CLDN14: variants seen among roughly 807,000 people sequenced by gnomAD.
The protein encoded by CLDN14 is claudin 14.
CLDN14 carries 2 observed loss-of-function variants against 2.1 expected under a neutral mutation model. That is an observed-to-expected ratio of 0.96 (90% confidence interval 0.39 to 3.01). The LOEUF (loss-of-function observed/expected upper bound fraction) is 3.01. Ranked by LOEUF, CLDN14 falls within the 30% of genes most tolerant of loss-of-function variation. The pLI is 0.09. For missense variants in CLDN14, 298 were observed against 328.0 expected (o/e 0.91, Z 0.71); for synonymous variants, 136 against 154.4 (o/e 0.88, Z 0.88).
chr21:36,505,375 C>T (rs971984515), intron 2 of CLDN14, among the ~76,000 whole-genome samples: 2 of 152,160 alleles, frequency 1.3e-5, no homozygotes, highest in African/African-American at 4.8e-5. Context: ...AGACAGCCCA[C>T]CCCAAGCTGC....
intron 1 of CLDN14, among the ~76,000 whole-genome samples, chr21:36,464,370 C>G (rs1019139978): frequency 6.6e-6 from 1 of 152,230 alleles, no homozygotes; most frequent in Admixed American, 6.5e-5. Context: ...CGGACTGATA[C>G]ACCGAGTATT....
At chr21:36,509,063 A>T (rs1329614038) in intron 2 of CLDN14, among the ~76,000 whole-genome samples, 1 of 152,196 alleles carries the variant, frequency 6.6e-6, no homozygotes, top group Non-Finnish European at 1.5e-5. Context: ...CTAGGTAAAT[A>T]TTGAAAGAAT....
chr21:36,494,780 C>T (rs2087000451), intron 2 of CLDN14, among the ~76,000 whole-genome samples: 1 of 152,202 alleles, frequency 6.6e-6, no homozygotes, highest in South Asian at 2.1e-4. Flanking sequence ...TGATCTCGGA[C>T]TTCCAGCCTC....
rs139330688 is a variant in CLDN14, at chr21:36,462,272, G to A, written c.-81-496C>T. ...GGGCAGGGAGAGGTTTAGTCCCCTC[G>A]GCAAGTCAGATGCTGCCTTCAGAAT... On this transcript the variant is annotated intron_variant, in intron 1 of 1. Transcript: ENST00000399135. Among the ~76,000 whole-genome samples the A allele has an allele frequency of 3.9e-5, 6 of 152,288 alleles. No homozygotes were observed. In the East Asian group the frequency reaches 1.2e-3, roughly 29 times the overall value.
intron 1 of CLDN14, among the ~76,000 whole-genome samples, chr21:36,532,789 G>A (rs2087391610): frequency 1.3e-5 from 2 of 152,036 alleles, no homozygotes; most frequent in African/African-American, 2.4e-5. Flanking sequence ...TTTAAGTTAC[G>A]ATCAGAAATA....
intron 1 of CLDN14, among the ~76,000 whole-genome samples, chr21:36,541,210 C>T (rs1326168859): frequency 1.3e-5 from 2 of 152,028 alleles, no homozygotes; most frequent in Admixed American, 6.5e-5. Context: ...TACCTCCTAC[C>T]TTTCCGTCAG....
intron 2 of CLDN14, chr21:36,486,220 C>A (rs1255063251): frequency 1.1e-6 from 1 of 911,780 alleles, no homozygotes; most frequent in East Asian, 2.4e-5. Flanking sequence ...CCTGGCCAAA[C>A]TCTGCTCCTG....
chr21:36,552,846 C>T (rs2087572361), intron 1 of CLDN14, among the ~76,000 whole-genome samples: 2 of 152,326 alleles, frequency 1.3e-5, no homozygotes, highest in Middle Eastern at 6.8e-3. Context: ...GCTTTGATCA[C>T]CACCCCTTTT....
At chr21:36,506,845 G>A (rs1302198380) in intron 2 of CLDN14, among the ~76,000 whole-genome samples, 1 of 151,978 alleles carries the variant, frequency 6.6e-6, no homozygotes, top group African/African-American at 2.4e-5. Context: ...GAGGCCAGGT[G>A]CAGTGCTTCC....
At chr21:36,504,416 C>T (rs2087114570) in intron 2 of CLDN14, among the ~76,000 whole-genome samples, 1 of 152,098 alleles carries the variant, frequency 6.6e-6, no homozygotes, top group Non-Finnish European at 1.5e-5. Context: ...CCATTAACTT[C>T]CACTAGATGC....
At position 36,513,030 on chromosome 21, in the gene CLDN14, C is replaced by T. The variant is rs535126447; in HGVS notation, c.-219-2530G>A. Among the ~76,000 whole-genome samples the T allele has an allele frequency of 2.0e-3, 301 of 152,284 alleles. No homozygotes were observed. The Middle Eastern group carries it at 0.021, about 10-fold the overall frequency. ...CCCATCACCTCACAAACTCTGCTGC[C>T]GCTCCTCTTCCTCCTTGTTTACAGA... On this transcript the variant is annotated intron_variant, in intron 1 of 2. Coordinates refer to the CLDN14 transcript ENST00000342108.
At chr21:36,465,638 C>T (rs569082243) in intron 1 of CLDN14, among the ~76,000 whole-genome samples, 1 of 152,200 alleles carries the variant, frequency 6.6e-6, no homozygotes, top group Non-Finnish European at 1.5e-5. Flanking sequence ...GCTCCGGAAG[C>T]GCCCTGCCCT....
At chr21:36,501,011 G>T (rs1381083519) in intron 2 of CLDN14, among the ~76,000 whole-genome samples, 1 of 152,234 alleles carries the variant, frequency 6.6e-6, no homozygotes, top group African/African-American at 2.4e-5. Flanking sequence ...GCGGCCCAAG[G>T]TAGCCCAGCT....
At chr21:36,570,903 G>A (rs569564104) in intron 1 of CLDN14, among the ~76,000 whole-genome samples, 376 of 152,236 alleles carry the variant, frequency 2.5e-3, no homozygotes, top group Non-Finnish European at 4.5e-3. Context: ...GTGCAGTGGC[G>A]TGATCTTAGC....
intron 2 of CLDN14, among the ~76,000 whole-genome samples, chr21:36,490,919 C>T (rs1309225620): frequency 1.3e-5 from 2 of 151,116 alleles, no homozygotes; most frequent in Admixed American, 1.3e-4. Flanking sequence ...CATATGCCAA[C>T]ACGTGTGGGC....
chr21:36,477,931 C>A (rs1347495020), intron 1 of CLDN14, among the ~76,000 whole-genome samples: 1 of 152,210 alleles, frequency 6.6e-6, no homozygotes, highest in Non-Finnish European at 1.5e-5. Context: ...AGTTTGAAAA[C>A]GCCAAGAATC....
chr21:36,477,703 TCTC>T (rs2086795307), intron 1 of CLDN14: 1 of 152,162 alleles, frequency 6.6e-6, no homozygotes, highest in Non-Finnish European at 1.5e-5. Context: ...AGCCTCAGCT[TCTC>T]CTGTCTTTTT....
chr21:36,525,882 T>G (rs1274465506), intron 1 of CLDN14, among the ~76,000 whole-genome samples: 1 of 152,066 alleles, frequency 6.6e-6, no homozygotes, highest in Admixed American at 6.5e-5. Flanking sequence ...TTTAAAGACT[T>G]GAGAGGCTGA....
intron 1 of CLDN14, among the ~76,000 whole-genome samples, chr21:36,470,270 T>C (rs2086694542): frequency 6.6e-6 from 1 of 152,132 alleles, no homozygotes; most frequent in Non-Finnish European, 1.5e-5. Context: ...ATTGCAGATG[T>C]AATTAGTTAA....
Sources: allele counts gnomAD v4.1 joint callset (sites outside exome capture counted in the v4.1 genomes callset), GRCh38; gene constraint gnomAD v4.1.1; transcripts MANE v1.5; gene names NCBI Gene and HGNC (gene_info 2026-07-23, HGNC 2026-07-21).